Variants in KCNJ6 observed in about 807,000 individuals in gnomAD.
KCNJ6 encodes G protein-activated inward rectifier potassium channel 2.
KCNJ6 carries 9 observed loss-of-function variants against 34.2 expected under a neutral mutation model. The ratio of observed to expected loss-of-function variants is 0.26; its 90% CI spans 0.16 to 0.46. KCNJ6 has a LOEUF of 0.46. KCNJ6 is among the 20% of genes least tolerant of loss of function. The pLI is 1.00. For missense variants in KCNJ6, 236 were observed against 531.3 expected, an observed-to-expected ratio of 0.44 and a Z score of 5.46; for synonymous variants, 196 against 207.1, an observed-to-expected ratio of 0.95 and a Z score of 0.46.
In KCNJ6 at chr21:37,634,954, G is replaced by A. The variant is rs556794831; in HGVS notation, c.947-9470C>T. On this transcript the variant is annotated intron_variant, in intron 3 of 3. Coordinates refer to ENST00000609713, the MANE Select transcript of KCNJ6 (RefSeq NM_002240.5). ...TGTATTTTTTGTAGAGATGGGTTTC[G>A]CCATGTTGGCCAGGCTGGTCTCGAA... is the stretch of plus-strand genomic sequence containing the variant. Among the ~76,000 whole-genome samples, 7 of 151,902 alleles carry A rather than the reference G, an allele frequency of 4.6e-5. No homozygotes were observed. The South Asian group carries it at 8.3e-4, about 18-fold the overall frequency.
At chr21:37,828,244 C>CT (rs2055408130) in intron 2 of KCNJ6, among the ~76,000 whole-genome samples, 1 of 152,138 alleles carries the variant, frequency 6.6e-6, no homozygotes, top group African/African-American at 2.4e-5. Flanking sequence ...GAAAGCACAC[C>CT]GGGGTGTAGG....
At chr21:37,771,430 G>T (rs771434155) in intron 2 of KCNJ6, among the ~76,000 whole-genome samples, 1 of 152,116 alleles carries the variant, frequency 6.6e-6, no homozygotes, top group Non-Finnish European at 1.5e-5. Context: ...CTTATCCTAC[G>T]CATTTCAGAC....
At chr21:37,726,295 C>A (rs1247696536) in intron 2 of KCNJ6, among the ~76,000 whole-genome samples, 1 of 152,194 alleles carries the variant, frequency 6.6e-6, no homozygotes, top group African/African-American at 2.4e-5. Context: ...TCGTGTTTTT[C>A]ACCTTCCAAT....
intron 1 of KCNJ6, among the ~76,000 whole-genome samples, chr21:37,867,658 C>T (rs2055629792): frequency 6.6e-6 from 1 of 152,134 alleles, no homozygotes; most frequent in South Asian, 2.1e-4. Context: ...TGTAGCAGAC[C>T]AGACCTTACC....
rs1347926003 is a variant in KCNJ6 at position 37,712,650 on chromosome 21, TC to T, written c.946+1560del. On this transcript the variant is annotated intron_variant, in intron 3 of 3. Transcript: ENST00000609713. ...TCTTCCCTCCCTCCTCCCCTTCTCCTCCTCTCCTTCCTCCCTTTCTCTTCCC... is the reference window on the plus strand; with the variant it reads ...TCTTCCCTCCCTCCTCCCCTTCTCCTCTCTCCTTCCTCCCTTTCTCTTCCC... Among the ~76,000 whole-genome samples, 5 of 63,816 alleles carry T rather than the reference TC, an allele frequency of 7.8e-5. 1 individual carries two copies. Among genetic ancestry groups the T allele is most frequent in the African/African-American group, 4.0e-4 (5 of 12,374 alleles). 41.9% of individuals were successfully genotyped at this position (63,816 alleles called of 152,430 possible). A position where few individuals can be genotyped will look rare whatever the true frequency, so the allele number is the denominator to read the frequency against.
At chr21:37,840,092 C>T (rs1427814511) in intron 2 of KCNJ6, among the ~76,000 whole-genome samples, 3 of 152,234 alleles carry the variant, frequency 2.0e-5, no homozygotes, top group Non-Finnish European at 4.4e-5. Flanking sequence ...AGCCACTGTG[C>T]CCAGCCCCCT....
chr21:37,830,088 C>G lies in KCNJ6; in HGVS notation c.25+10570G>C, dbSNP rs147508997. Among the ~76,000 whole-genome samples, 369 of 152,296 alleles carry G rather than the reference C, an allele frequency of 2.4e-3. 1 individual carries two copies. The highest frequency in any genetic ancestry group is 8.2e-3 in the African/African-American group (339 of 41,560). On this transcript the variant is annotated intron_variant, in intron 2 of 3. Coordinates refer to ENST00000609713, the MANE Select transcript of KCNJ6 (RefSeq NM_002240.5). Reference sequence around the variant, plus strand: ...CCCCAAGGCAGTGGTATTTCCAACTCCCCGACAACACCATCACGATGGAAA... The same window carrying G: ...CCCCAAGGCAGTGGTATTTCCAACTGCCCGACAACACCATCACGATGGAAA...
At chr21:37,702,233 A>AC (rs1429475781) in intron 3 of KCNJ6, among the ~76,000 whole-genome samples, 2 of 77,274 alleles carry the variant, frequency 2.6e-5, no homozygotes, top group African/African-American at 5.7e-5. Context: ...ATTTTGTCTC[A>AC]CAAAAAAAAA....
At chr21:37,822,948 A>C (rs1278882966) in intron 2 of KCNJ6, among the ~76,000 whole-genome samples, 1 of 152,200 alleles carries the variant, frequency 6.6e-6, no homozygotes, top group Non-Finnish European at 1.5e-5. Context: ...CACTTTGAAC[A>C]ACTTGTCATG....
At chr21:37,777,331 C>A (rs1032525435) in intron 2 of KCNJ6, among the ~76,000 whole-genome samples, 1 of 152,144 alleles carries the variant, frequency 6.6e-6, no homozygotes. Flanking sequence ...GTCTCCCCTG[C>A]CCCTATCTGC....
intron 3 of KCNJ6, among the ~76,000 whole-genome samples, chr21:37,665,810 C>T (rs915423209): frequency 6.6e-6 from 1 of 152,196 alleles, no homozygotes; most frequent in Non-Finnish European, 1.5e-5. Flanking sequence ...ATTATCTCGA[C>T]AGAGAGTTGG....
chr21:37,644,009 TGTG>T (rs1250641258), intron 3 of KCNJ6, among the ~76,000 whole-genome samples: 1 of 152,068 alleles, frequency 6.6e-6, no homozygotes, highest in African/African-American at 2.4e-5. Flanking sequence ...ATAAAGAAAA[TGTG>T]GTACATATAC....
Position 37,613,745 on chromosome 21 carries a change from G to T in KCNJ6, c.*11414C>A, listed in dbSNP as rs1040331513. On this transcript the variant is annotated 3_prime_UTR_variant, in exon 4 of 4. Coordinates refer to ENST00000609713, the MANE Select transcript of KCNJ6 (RefSeq NM_002240.5). ...TATGGAGACAGTAAATAGATCAGTGGTTGCCAGGGGTTGGGAGGACACAAG... is the reference window on the plus strand; with the variant it reads ...TATGGAGACAGTAAATAGATCAGTGTTTGCCAGGGGTTGGGAGGACACAAG... 6 of 152,258 alleles carry T rather than the reference G, an allele frequency of 3.9e-5. No homozygotes were observed. Among genetic ancestry groups the T allele is most frequent in the African/African-American group, 1.4e-4 (6 of 41,450 alleles). 9.4% of individuals were successfully genotyped at this position (152,258 alleles called of 1,614,324 possible).
chr21:37,648,429 G>T (rs986670602), intron 3 of KCNJ6, among the ~76,000 whole-genome samples: 2 of 152,180 alleles, frequency 1.3e-5, no homozygotes, highest in African/African-American at 4.8e-5. Flanking sequence ...ACTGGCACAC[G>T]TTATAGACAT....
intron 2 of KCNJ6, among the ~76,000 whole-genome samples, chr21:37,831,677 G>C: frequency 6.6e-6 from 1 of 152,168 alleles, no homozygotes; most frequent in East Asian, 1.9e-4. Flanking sequence ...TAGTACCTGT[G>C]CTGGCAACTC....
At position 37,623,204 on chromosome 21, in the gene KCNJ6, G is replaced by A. The variant is rs2054295687; in HGVS notation, c.*1955C>T. 1 of 152,266 alleles carries A rather than the reference G, an allele frequency of 6.6e-6. No individual in the cohort carries two copies. Among genetic ancestry groups the A allele is most frequent in the Non-Finnish European group, 1.5e-5 (1 of 68,054 alleles). 9.4% of individuals were successfully genotyped at this position (152,266 alleles called of 1,614,324 possible). On this transcript the variant is annotated 3_prime_UTR_variant, in exon 4 of 4. Coordinates refer to ENST00000609713, the MANE Select transcript of KCNJ6 (RefSeq NM_002240.5). ...AGTTGTCCTGATCCAAGGTCTCTGA[G>A]ATGGGAGAAGAGAGGCCCCGAGGTT...
intron 1 of KCNJ6, among the ~76,000 whole-genome samples, chr21:37,891,937 G>C (rs1423374248): frequency 6.6e-6 from 1 of 152,068 alleles, no homozygotes; most frequent in Non-Finnish European, 1.5e-5. Context: ...GGATGGTGGG[G>C]GTGGAGACAC....
At chr21:37,667,426 A>G (rs1601411034) in intron 3 of KCNJ6, among the ~76,000 whole-genome samples, 2 of 152,244 alleles carry the variant, frequency 1.3e-5, no homozygotes, top group Admixed American at 6.5e-5. Context: ...GGTCAGTCCA[A>G]ATAATTCCAG....
intron 3 of KCNJ6, among the ~76,000 whole-genome samples, chr21:37,674,089 A>AT (rs980218664): frequency 3.9e-5 from 6 of 152,218 alleles, no homozygotes; most frequent in Admixed American, 2.6e-4. Flanking sequence ...GAGAACCTTC[A>AT]GATCCCTGAA....
Sources: gnomAD v4.1 joint callset for allele counts (sites outside exome capture counted in the v4.1 genomes callset) on GRCh38, gnomAD v4.1.1 for gene constraint, MANE v1.5 for transcripts, NCBI Gene and HGNC (gene_info 2026-07-23, HGNC 2026-07-21) for gene names.